Variants in ERC1 observed in about 807,000 individuals in gnomAD.
The protein encoded by ERC1 is ELKS/RAB6-interacting/CAST family member 1.
ERC1 carries 56 observed loss-of-function variants against 132.0 expected under a neutral mutation model. The observed-to-expected ratio is 0.42, with a 90% CI of 0.34 to 0.53. ERC1 has a LOEUF of 0.53. Among genes scored for constraint, ERC1 ranks in the 20% least tolerant of loss-of-function variants. The pLI is 0.03. For missense variants in ERC1, 1,202 were observed against 1,349.9 expected (o/e 0.89, Z 1.72); for synonymous variants, 478 against 476.1 (o/e 1.00, Z -0.05).
At chr12:1,046,934 T>A (rs1971168845) in intron 2 of ERC1, among the ~76,000 whole-genome samples, 1 of 152,188 alleles carries the variant, frequency 6.6e-6, no homozygotes, top group African/African-American at 2.4e-5. Context: ...TTTGCCGTAG[T>A]TGTTTTAGGA....
At chr12:1,336,444 T>A (rs1408035763) in intron 15 of ERC1, among the ~76,000 whole-genome samples, 1 of 152,196 alleles carries the variant, frequency 6.6e-6, no homozygotes, top group African/African-American at 2.4e-5. Context: ...TTCTGGTATG[T>A]TGTATCTTTG....
chr12:1,350,797 C>A (rs1020749484), intron 15 of ERC1, among the ~76,000 whole-genome samples: 9 of 152,158 alleles, frequency 5.9e-5, no homozygotes, highest in African/African-American at 2.2e-4. Flanking sequence ...CTAAGAAGTT[C>A]AAGGGCATGG....
chr12:1,431,558 A>G (rs1388773360), intron 17 of ERC1, among the ~76,000 whole-genome samples: 2 of 152,206 alleles, frequency 1.3e-5, no homozygotes, highest in African/African-American at 4.8e-5. Context: ...TTTCATATTT[A>G]AATTGCATAA....
chr12:1,464,537 T>G (rs1408160377), intron 18 of ERC1, among the ~76,000 whole-genome samples: 3 of 97,396 alleles, frequency 3.1e-5, no homozygotes, highest in African/African-American at 8.0e-5. Context: ...TTTTTTTTTT[T>G]GAGACAGAGT....
intron 1 of ERC1, among the ~76,000 whole-genome samples, chr12:1,011,792 CAA>C (rs1964720649): frequency 6.6e-6 from 1 of 151,918 alleles, no homozygotes; most frequent in Admixed American, 6.6e-5. Context: ...CCTAAAAATG[CAA>C]AAATTAACTG....
intron 12 of ERC1, 140 bp downstream of exon 12, chr12:1,190,192 T>C (rs773863318): frequency 3.6e-6 from 3 of 822,270 alleles, no homozygotes; most frequent in Non-Finnish European, 2.1e-6. Flanking sequence ...AGCTGCCTTT[T>C]TTCTAGGTCA....
At chr12:1,400,623 G>A (rs1003300107) in intron 16 of ERC1, among the ~76,000 whole-genome samples, 1 of 152,030 alleles carries the variant, frequency 6.6e-6, no homozygotes, top group African/African-American at 2.4e-5. Context: ...GACTTAATGA[G>A]TTTGACATCA....
chr12:1,475,135 A>G (rs1461433619), intron 18 of ERC1, among the ~76,000 whole-genome samples: 3 of 152,190 alleles, frequency 2.0e-5, no homozygotes, highest in Non-Finnish European at 4.4e-5. Flanking sequence ...TCCATCCCTT[A>G]AGAACTTTAA....
intron 15 of ERC1, among the ~76,000 whole-genome samples, chr12:1,353,028 C>CTT (rs547540688): frequency 8.1e-5 from 10 of 123,004 alleles, no homozygotes; most frequent in Admixed American, 2.4e-4. Flanking sequence ...CTTTTCTTTT[C>CTT]TTTTTTTTTT....
In ERC1 at chr12:1,122,663, C is replaced by CTAAATCTCTATCTCTATCTCTA. The variant is rs1401449594; in HGVS notation, c.1569+6631_1569+6632insAAATCTCTATCTCTATCTCTAT. Among the ~76,000 whole-genome samples, 2 of 149,952 alleles carry CTAAATCTCTATCTCTATCTCTA rather than the reference C, an allele frequency of 1.3e-5. 1 individual carries two copies. On this transcript the variant is annotated intron_variant, in intron 7 of 18. Transcript: ENST00000360905. The stretch of plus-strand genomic sequence containing the variant: ...TCTCTATCTCTATCTCTATCTCTAT[C>CTAAATCTCTATCTCTATCTCTA]TCTGCCTATTGATATATCTGTATAT...
At chr12:1,190,768 A>G (rs1223777505) in intron 12 of ERC1, among the ~76,000 whole-genome samples, 13 of 152,174 alleles carry the variant, frequency 8.5e-5, no homozygotes, top group Non-Finnish European at 1.5e-5. Flanking sequence ...AAAACTGTGC[A>G]GAAACAACTC....
At chr12:1,017,117 C>T (rs1414614166) in intron 1 of ERC1, among the ~76,000 whole-genome samples, 1 of 152,152 alleles carries the variant, frequency 6.6e-6, no homozygotes, top group Admixed American at 6.6e-5. Flanking sequence ...CTGCCTCAGC[C>T]TCCTGAGTAG....
chr12:1,259,604 A>C (rs758785788), intron 13 of ERC1, among the ~76,000 whole-genome samples: 2 of 143,688 alleles, frequency 1.4e-5, no homozygotes, highest in Admixed American at 1.4e-4. Flanking sequence ...GCTCACTGCA[A>C]CCTCCACCTC....
At chr12:1,064,185 T>C (rs147634054) in intron 2 of ERC1, among the ~76,000 whole-genome samples, 1 of 152,154 alleles carries the variant, frequency 6.6e-6, no homozygotes, top group East Asian at 1.9e-4. Context: ...TTCCCATACA[T>C]GTGACTTGAG....
intron 14 of ERC1, among the ~76,000 whole-genome samples, chr12:1,274,462 C>CTATTTTATTT (rs201815189): frequency 1.3e-5 from 2 of 150,218 alleles, no homozygotes; most frequent in African/African-American, 5.0e-5. Flanking sequence ...AGCATCTCGT[C>CTATTTTATTT]TATTTTATTT....
chr12:1,110,403 T>G, intron 5 of ERC1, 56 bp downstream of exon 5: 1 of 1,444,662 alleles, frequency 6.9e-7, no homozygotes, highest in Non-Finnish European at 9.5e-7. Flanking sequence ...TTGATGCATA[T>G]TTTTTACTTC....
chr12:1,451,949 C>G (rs73597999), intron 18 of ERC1, among the ~76,000 whole-genome samples: 15,859 of 152,110 alleles, frequency 0.1, 2,795 homozygotes, highest in African/African-American at 0.36. Context: ...TACACACACA[C>G]AGGAAAATAC....
chr12:1,200,032 C>G (rs1282492226), intron 12 of ERC1, among the ~76,000 whole-genome samples: 1 of 151,856 alleles, frequency 6.6e-6, no homozygotes, highest in Non-Finnish European at 1.5e-5. Flanking sequence ...GAGAACTTTT[C>G]TGATGGCATT....
intron 8 of ERC1, among the ~76,000 whole-genome samples, chr12:1,161,731 G>C (rs1243534424): frequency 1.3e-5 from 2 of 152,082 alleles, no homozygotes; most frequent in African/African-American, 4.8e-5. Context: ...CCTTAATTCT[G>C]TACAAAAAAG....
Sources: allele counts gnomAD v4.1 joint callset (sites outside exome capture counted in the v4.1 genomes callset), GRCh38; gene constraint gnomAD v4.1.1; transcripts MANE v1.5; gene names NCBI Gene and HGNC (gene_info 2026-07-23, HGNC 2026-07-21).